Variants in LRBA observed in about 807,000 individuals in gnomAD.
The protein encoded by LRBA is LPS responsive beige-like anchor protein, also known as lipopolysaccharide-responsive and beige-like anchor protein.
LRBA carries 176 observed loss-of-function variants against 330.0 expected under a neutral mutation model. That is an observed-to-expected ratio of 0.53 (90% CI 0.47 to 0.60). The LOEUF is 0.60. Ranked by LOEUF, LRBA falls within the 20% of genes least tolerant of loss-of-function variation. The probability of loss-of-function intolerance (pLI) is 0.00; values close to 1 mark genes in which losing one functional copy is unlikely to be tolerated. For synonymous variants in LRBA, 1,230 were observed against 1,193.0 expected (o/e 1.03, Z -0.64); for missense variants, 3,259 against 3,444.8 (o/e 0.95, Z 1.35).
Position 150,353,997 on chromosome 4 carries a change from C to T in LRBA, c.7195-3838G>A, listed in dbSNP as rs575273028. Among the ~76,000 whole-genome samples, 13 of 152,078 alleles carry T rather than the reference C, an allele frequency of 8.5e-5. No homozygotes were observed. The South Asian group carries it at 2.1e-3, about 24-fold the overall frequency. The stretch of plus-strand genomic sequence containing the variant: ...AGTCATTTCAGTACAAAGTCAGCTC[C>T]GAACTTTAACATCCTTTTGCTATCA... On this transcript the variant is annotated intron_variant, in intron 47 of 56. Coordinates refer to ENST00000651943, the MANE Select transcript of LRBA (RefSeq NM_001364905.1).
intron 47 of LRBA, among the ~76,000 whole-genome samples, chr4:150,384,317 C>CA (rs1359491059): frequency 6.6e-6 from 1 of 152,080 alleles, no homozygotes; most frequent in Non-Finnish European, 1.5e-5. Context: ...GGATTACAGG[C>CA]CTGAGTCACT....
At chr4:151,010,295 C>A (rs990201100) in intron 2 of LRBA, among the ~76,000 whole-genome samples, 1 of 152,188 alleles carries the variant, frequency 6.6e-6, no homozygotes, top group African/African-American at 2.4e-5. Context: ...TTAAACTCAG[C>A]AGCAAGTTCC....
intron 34 of LRBA, among the ~76,000 whole-genome samples, chr4:150,769,452 G>T (rs2126520867): frequency 6.6e-6 from 1 of 152,202 alleles, no homozygotes; most frequent in South Asian, 2.1e-4. Flanking sequence ...AAGACCAATG[G>T]CACAGTCTGA....
chr4:150,528,195 T>A (rs950687439), intron 40 of LRBA, among the ~76,000 whole-genome samples: 1 of 152,030 alleles, frequency 6.6e-6, no homozygotes, highest in Non-Finnish European at 1.5e-5. Context: ...AAGATAGGGA[T>A]AGGGAAAAAT....
At chr4:150,907,686 G>A (rs1393365189) in intron 11 of LRBA, among the ~76,000 whole-genome samples, 3 of 151,982 alleles carry the variant, frequency 2.0e-5, no homozygotes, top group African/African-American at 7.2e-5. Context: ...CAATACAAAT[G>A]AAACAATAAT....
At chr4:150,440,322 C>T (rs1751658061) in intron 44 of LRBA, among the ~76,000 whole-genome samples, 1 of 151,934 alleles carries the variant, frequency 6.6e-6, no homozygotes, top group South Asian at 2.1e-4. Flanking sequence ...TTAAACACTA[C>T]AAAAAGCTAA....
intron 48 of LRBA, among the ~76,000 whole-genome samples, chr4:150,332,883 T>C (rs1368038766): frequency 2.0e-5 from 3 of 152,142 alleles, no homozygotes; most frequent in Non-Finnish European, 4.4e-5. Flanking sequence ...ACCTAGAGAA[T>C]GTATTAATGG....
chr4:150,586,966 A>T (rs1351534950), intron 40 of LRBA, among the ~76,000 whole-genome samples: 2 of 152,104 alleles, frequency 1.3e-5, no homozygotes, highest in African/African-American at 4.8e-5. Context: ...AGTAGAAAAA[A>T]TTTTTAATTG....
chr4:150,474,425 A>G lies in LRBA; in HGVS notation c.6552-2686T>C, dbSNP rs533893322. ...GTATTTTGATAACTGTGGCTCTACA[A>G]TAAGTTTTGAAATCAAGGTACATCT... On this transcript the variant is annotated intron_variant, in intron 42 of 56. Transcript: ENST00000651943. 3.0e-4 allele frequency among the ~76,000 whole-genome samples: 45 copies of G among 152,290 alleles called. 1 individual carries two copies. The South Asian group carries it at 8.1e-3, about 27-fold the overall frequency.
chr4:150,372,624 G>C lies in LRBA; in HGVS notation c.7195-22465C>G, dbSNP rs1205323595. 9.4e-5 allele frequency among the ~76,000 whole-genome samples: 14 copies of C among 148,892 alleles called. No individual in the cohort carries two copies. In the Admixed American group the frequency reaches 9.4e-4, roughly 10 times the overall value. On this transcript the variant is annotated intron_variant, in intron 47 of 56. Transcript: ENST00000651943. ...CCAAAAGATCTGGAGTCATAGCCTG[G>C]GTAAAATGGTTTTGAAATCTTGGGC...
In LRBA at chr4:150,768,529, G is replaced by A. The variant is rs943740714; in HGVS notation, c.5581-6682C>T. On this transcript the variant is annotated intron_variant, in intron 34 of 56. Coordinates refer to ENST00000651943, the MANE Select transcript of LRBA (RefSeq NM_001364905.1). ...TATAATGAAAAAGGCAAGATAAATT[G>A]AAAGTATACAAACTGGACTATGACA... 2.8e-4 allele frequency among the ~76,000 whole-genome samples: 42 copies of A among 152,176 alleles called. 1 individual carries two copies. Among genetic ancestry groups the A allele is most frequent in the Admixed American group, 4.6e-4 (7 of 15,272 alleles).
intron 46 of LRBA, 115 bp from the exon 47 acceptor site, chr4:150,415,705 AT>A (rs372604374): frequency 8.4e-5 from 54 of 642,614 alleles, no homozygotes; most frequent in Middle Eastern, 3.9e-4. Flanking sequence ...AACACAGGGA[AT>A]TTTTTTTTCT....
At position 150,583,657 on chromosome 4, in the gene LRBA, T is replaced by C. The variant is rs766901362; in HGVS notation, c.6330+4391A>G. The C allele has an allele frequency of 6.8e-6, 11 of 1,613,992 alleles. No homozygotes were observed. The South Asian group carries it at 1.1e-4, about 16-fold the overall frequency. On this transcript the variant is annotated intron_variant, in intron 40 of 56. Transcript: ENST00000651943. This position sits in a 1 kb window ranked among gnomAD's most constrained non-coding sequence, Gnocchi z 9.8. ...CGAGGTCAAGGCCGAAGGGTTCAAC[T>C]TGCTCTCGAAGGAGTGCTACTCGCT...
intron 47 of LRBA, among the ~76,000 whole-genome samples, chr4:150,411,321 A>C (rs573985337): frequency 6.6e-6 from 1 of 152,210 alleles, no homozygotes; most frequent in South Asian, 2.1e-4. Flanking sequence ...CAGTAGTTAC[A>C]GTCCTCTAAC....
At chr4:150,912,743 C>T (rs764611681) in intron 9 of LRBA, among the ~76,000 whole-genome samples, 10 of 152,136 alleles carry the variant, frequency 6.6e-5, no homozygotes, top group South Asian at 2.1e-4. Flanking sequence ...TATCTGCTAA[C>T]GTTAACTTTA....
intron 36 of LRBA, among the ~76,000 whole-genome samples, chr4:150,703,391 A>T (rs777944333): frequency 6.6e-5 from 10 of 152,192 alleles, no homozygotes; most frequent in Non-Finnish European, 1.3e-4. Flanking sequence ...TGGATATGGA[A>T]ATCTTCTTTA....
intron 17 of LRBA, among the ~76,000 whole-genome samples, chr4:150,881,846 G>C (rs1283686960): frequency 6.6e-6 from 1 of 152,122 alleles, no homozygotes; most frequent in African/African-American, 2.4e-5. Context: ...CAGCATTTTG[G>C]GAGGCCGAGG....
At chr4:150,287,476 G>A (rs892218192) in intron 53 of LRBA, among the ~76,000 whole-genome samples, 1 of 152,230 alleles carries the variant, frequency 6.6e-6, no homozygotes, top group South Asian at 2.1e-4. Flanking sequence ...GGGAGGTCTG[G>A]TCTCTGTGCT....
chr4:150,937,225 A>C (rs55644104), intron 2 of LRBA, among the ~76,000 whole-genome samples: 167 of 152,220 alleles, frequency 1.1e-3, no homozygotes, highest in Non-Finnish European at 1.7e-3. Flanking sequence ...ATATGTATGC[A>C]TATCTATTAT....
Sources: gnomAD v4.1 joint callset for allele counts (sites outside exome capture counted in the v4.1 genomes callset) on GRCh38, gnomAD v4.1.1 for gene constraint, Gnocchi (gnomAD v3.1) non-coding constraint, MANE v1.5 for transcripts, NCBI Gene and HGNC (gene_info 2026-07-23, HGNC 2026-07-21) for gene names.